MGST1: variants seen among roughly 807,000 people sequenced by gnomAD.
MGST1 encodes the protein glutathione S-transferase 12.
In MGST1, 5 loss-of-function variants were observed where a neutral mutation model predicts 8.9. That is an observed-to-expected ratio of 0.56 (90% CI 0.29 to 1.19). The LOEUF is 1.19. MGST1 is among the 50% of genes most tolerant of loss of function. MGST1 has a pLI of 0.08. For synonymous variants in MGST1, 54 were observed against 67.8 expected, an observed-to-expected ratio of 0.80 and a Z score of 1.00; for missense variants, 182 against 187.4, an observed-to-expected ratio of 0.97 and a Z score of 0.17.
At chr12:16,388,181 C>T (rs1276927074) in intron 1 of MGST1, among the ~76,000 whole-genome samples, 5 of 151,734 alleles carry the variant, frequency 3.3e-5, no homozygotes, top group African/African-American at 1.2e-4. Context: ...TTTGCACCAA[C>T]CATGTTACTG....
intron 4 of MGST1, chr12:16,567,518 A>G: frequency 6.6e-6 from 1 of 152,496 alleles, no homozygotes; most frequent in Non-Finnish European, 1.5e-5. Context: ...CTTGAATGAC[A>G]TGGCATTTCA....
chr12:16,496,293 G>A lies in MGST1; in HGVS notation n.483-93235G>A, dbSNP rs150410534. ...GTGCACAGATCTAGTGTGGTTGGCA[G>A]CATGTATTACACACTGTACTCTGCA... On this transcript the variant is annotated intron_variant and non_coding_transcript_variant, in intron 4 of 4. Coordinates refer to the MGST1 transcript ENST00000538857. Among the ~76,000 whole-genome samples, 869 of 152,156 alleles carry A rather than the reference G, an allele frequency of 5.7e-3. 7 individuals are homozygous for A. Among genetic ancestry groups the A allele is most frequent in the African/African-American group, 0.02 (831 of 41,500 alleles).
intron 4 of MGST1, among the ~76,000 whole-genome samples, chr12:16,511,122 AT>A (rs1941573944): frequency 6.6e-6 from 1 of 152,230 alleles, no homozygotes; most frequent in African/African-American, 2.4e-5. Context: ...AATTGTTTGC[AT>A]TTTTAAAATT....
At chr12:16,431,844 C>CA (rs1411345611) in intron 1 of MGST1, among the ~76,000 whole-genome samples, 2 of 151,816 alleles carry the variant, frequency 1.3e-5, no homozygotes, top group African/African-American at 2.4e-5. Context: ...CAAACAACAA[C>CA]AAAAAAATGC....
intron 4 of MGST1, among the ~76,000 whole-genome samples, chr12:16,571,913 T>C (rs773984577): frequency 6.6e-6 from 1 of 151,986 alleles, no homozygotes; most frequent in African/African-American, 2.4e-5. Flanking sequence ...GTATTTAAAA[T>C]ACATACACAT....
intron 1 of MGST1, among the ~76,000 whole-genome samples, chr12:16,393,601 CG>C (rs1940572196): frequency 6.6e-6 from 1 of 152,182 alleles, no homozygotes; most frequent in Admixed American, 6.5e-5. Flanking sequence ...GTAATTAAAA[CG>C]GTTATAAACC....
At chr12:16,407,123 G>A (rs530383097) in intron 1 of MGST1, among the ~76,000 whole-genome samples, 4 of 152,156 alleles carry the variant, frequency 2.6e-5, no homozygotes, top group South Asian at 4.2e-4. Context: ...GTGAAGAGAC[G>A]AGACAACCTA....
chr12:16,555,134 G>C lies in MGST1; in HGVS notation n.483-34394G>C, dbSNP rs576563316. ...ATGTAAAACACTCAGAACGGTGTTT[G>C]GTGTTTGACTAATACTTTATCAGAA... On this transcript the variant is annotated intron_variant and non_coding_transcript_variant, in intron 4 of 4. Transcript: ENST00000538857. This position sits in a 1 kb window ranked among gnomAD's most constrained non-coding sequence, Gnocchi z 5.5. Among the ~76,000 whole-genome samples, 1 of 152,280 alleles carries C rather than the reference G, an allele frequency of 6.6e-6. No homozygotes were observed. Among genetic ancestry groups the C allele is most frequent in the East Asian group, 1.9e-4 (1 of 5,194 alleles).
At chr12:16,427,557 C>T (rs536554283) in intron 1 of MGST1, among the ~76,000 whole-genome samples, 6 of 151,894 alleles carry the variant, frequency 4.0e-5, no homozygotes, top group Non-Finnish European at 7.4e-5. Context: ...AATTTTTGTA[C>T]TTTTAGTAGA....
At chr12:16,448,235 T>A (rs992586618) in intron 4 of MGST1, among the ~76,000 whole-genome samples, 6 of 151,932 alleles carry the variant, frequency 3.9e-5, no homozygotes, top group Admixed American at 2.0e-4. Context: ...TAACAAATAC[T>A]TACTGAATTT....
Position 16,364,243 on chromosome 12 carries a change from A to C in MGST1, c.*202A>C. The C allele has an allele frequency of 1.6e-6, 2 of 1,264,010 alleles. No homozygotes were observed. Among genetic ancestry groups the C allele is most frequent in the Non-Finnish European group, 2.0e-6 (2 of 1,003,112 alleles). The allele number at this position is 1,264,010 out of a possible 1,614,324, so 78.3% of individuals were successfully genotyped here. On this transcript the variant is annotated 3_prime_UTR_variant, in exon 4 of 4. Transcript: ENST00000396210. The surrounding 1 kb of genome is among the most constrained non-coding windows in gnomAD (Gnocchi z 5.7). Reference sequence around the variant, plus strand: ...TAGAAATTTAACATAGTAATTCTTAAGTCTTTTGTCTGATTTTTAAAGTAC... The same window carrying C: ...TAGAAATTTAACATAGTAATTCTTACGTCTTTTGTCTGATTTTTAAAGTAC...
intron 4 of MGST1, among the ~76,000 whole-genome samples, chr12:16,570,629 C>G (rs1942783306): frequency 6.6e-6 from 1 of 152,160 alleles, no homozygotes. Flanking sequence ...CACTTACTCA[C>G]TCAGGCACTA....
At chr12:16,536,163 T>C (rs1777708347) in intron 4 of MGST1, among the ~76,000 whole-genome samples, 1 of 151,454 alleles carries the variant, frequency 6.6e-6, no homozygotes, top group South Asian at 2.1e-4. Flanking sequence ...AGGCCAGGAA[T>C]ACACTAGCTG....
rs78787851 is a variant in MGST1 at position 16,361,829 on chromosome 12, G to T, written c.222-1966G>T. Among the ~76,000 whole-genome samples, 84 of 152,296 alleles carry T rather than the reference G, an allele frequency of 5.5e-4. No individual in the cohort carries two copies. The highest frequency in any genetic ancestry group is 2.0e-3 in the African/African-American group (83 of 41,564). On this transcript the variant is annotated intron_variant, in intron 3 of 3. Transcript: ENST00000396210. This position sits in a 1 kb window ranked among gnomAD's most constrained non-coding sequence, Gnocchi z 4.2. ...AAAGAGAAAGAGAACTCAAAAGGGA[G>T]AATAAGATAAAGAGAAAATGAGGCT...
chr12:16,577,352 G>C (rs76562116), intron 4 of MGST1, among the ~76,000 whole-genome samples: 2 of 152,062 alleles, frequency 1.3e-5, no homozygotes, highest in South Asian at 2.1e-4. Context: ...TTCCATGAAG[G>C]CCTCCTAAAT....
intron 1 of MGST1, among the ~76,000 whole-genome samples, chr12:16,406,142 C>T (rs768998023): frequency 8.5e-5 from 13 of 152,260 alleles, no homozygotes; most frequent in Middle Eastern, 3.4e-3. Context: ...TTGCAGCTGA[C>T]GTAATTCTAT....
intron 1 of MGST1, among the ~76,000 whole-genome samples, chr12:16,435,745 AAC>A (rs1591727418): frequency 7.1e-6 from 1 of 141,774 alleles, no homozygotes; most frequent in South Asian, 2.1e-4. Flanking sequence ...ATAAGTAACA[AAC>A]AACACAGGCT....
chr12:16,445,337 G>A (rs1188341199), intron 4 of MGST1, among the ~76,000 whole-genome samples: 1 of 151,822 alleles, frequency 6.6e-6, no homozygotes, highest in African/African-American at 2.4e-5. Flanking sequence ...TTAGGCACTA[G>A]ACACTGCTGA....
chr12:16,536,056 A>G (rs1037314228), intron 4 of MGST1, among the ~76,000 whole-genome samples: 3 of 149,394 alleles, frequency 2.0e-5, no homozygotes, highest in Non-Finnish European at 4.4e-5. Flanking sequence ...AAGCCTGAGT[A>G]GAATCTCAGT....
Sources: gnomAD v4.1 joint callset for allele counts (sites outside exome capture counted in the v4.1 genomes callset) on GRCh38, gnomAD v4.1.1 for gene constraint, Gnocchi (gnomAD v3.1) non-coding constraint, MANE v1.5 for transcripts, NCBI Gene and HGNC (gene_info 2026-07-23, HGNC 2026-07-21) for gene names.